Variants in LRP1B observed in about 807,000 individuals in gnomAD.
LRP1B encodes LDL receptor related protein 1B, also known as low-density lipoprotein receptor-related protein 1B.
A neutral mutation model predicts 556.6 loss-of-function variants in LRP1B; 217 were observed. That is an observed-to-expected ratio of 0.39 (90% confidence interval 0.35 to 0.44). The LOEUF is 0.44. Among genes scored for constraint, LRP1B ranks in the 20% least tolerant of loss-of-function variants. The pLI, the probability that LRP1B is intolerant of heterozygous loss-of-function variation, is 1.00. For synonymous variants in LRP1B, 2,047 were observed against 1,865.8 expected (o/e 1.10, Z -2.50); for missense variants, 5,053 against 5,620.8 (o/e 0.90, Z 3.23).
intron 1 of LRP1B, among the ~76,000 whole-genome samples, chr2:141,818,264 A>G (rs539944814): frequency 6.6e-6 from 1 of 152,256 alleles, no homozygotes; most frequent in South Asian, 2.1e-4. Flanking sequence ...TTTTGATAAA[A>G]CTCATGTAAT....
chr2:141,850,965 A>G (rs902538505), intron 1 of LRP1B, among the ~76,000 whole-genome samples: 2 of 151,728 alleles, frequency 1.3e-5, no homozygotes, highest in Non-Finnish European at 2.9e-5. Flanking sequence ...TGGGCTCTGT[A>G]AGAAGCTGAC....
chr2:141,243,768 T>C (rs1235605348), intron 5 of LRP1B, among the ~76,000 whole-genome samples: 1 of 152,178 alleles, frequency 6.6e-6, no homozygotes, highest in African/African-American at 2.4e-5. Flanking sequence ...CTTTATTTCA[T>C]TAGTCAGAGA....
intron 2 of LRP1B, among the ~76,000 whole-genome samples, chr2:141,568,972 T>G (rs1686435948): frequency 6.6e-6 from 1 of 150,622 alleles, no homozygotes. Flanking sequence ...TTCACCATGT[T>G]GGCCAGGCTG....
At chr2:141,704,495 A>G (rs1350997258) in intron 2 of LRP1B, among the ~76,000 whole-genome samples, 2 of 151,906 alleles carry the variant, frequency 1.3e-5, no homozygotes, top group East Asian at 1.9e-4. Flanking sequence ...TAAGATTTCA[A>G]CTTTCCTTAA....
chr2:141,656,532 T>A (rs893885731), intron 2 of LRP1B, among the ~76,000 whole-genome samples: 1 of 152,170 alleles, frequency 6.6e-6, no homozygotes, highest in Non-Finnish European at 1.5e-5. Flanking sequence ...ACATTTTTAT[T>A]TCTATACCTG....
chr2:141,790,101 T>A (rs1695562715), intron 2 of LRP1B, among the ~76,000 whole-genome samples: 1 of 151,916 alleles, frequency 6.6e-6, no homozygotes, highest in Non-Finnish European at 1.5e-5. Flanking sequence ...GTTAATGCCT[T>A]GGACACACAC....
chr2:141,866,999 C>A (rs1325481487), intron 1 of LRP1B, among the ~76,000 whole-genome samples: 1 of 152,096 alleles, frequency 6.6e-6, no homozygotes, highest in Non-Finnish European at 1.5e-5. Flanking sequence ...AAGTAGGTTT[C>A]TTTGGACCTT....
intron 2 of LRP1B, among the ~76,000 whole-genome samples, chr2:141,709,580 G>A (rs1355165573): frequency 6.6e-6 from 1 of 152,106 alleles, no homozygotes; most frequent in Non-Finnish European, 1.5e-5. Context: ...TTATTGAAAT[G>A]TATTGAGATA....
chr2:141,274,902 C>A (rs548068761), intron 3 of LRP1B, among the ~76,000 whole-genome samples: 5 of 152,190 alleles, frequency 3.3e-5, no homozygotes, highest in Admixed American at 2.0e-4. Flanking sequence ...AGAATAAAGA[C>A]GTTTTTGGAC....
At chr2:140,319,554 T>C (rs1679979724) in intron 82 of LRP1B, among the ~76,000 whole-genome samples, 1 of 152,136 alleles carries the variant, frequency 6.6e-6, no homozygotes, top group Admixed American at 6.6e-5. Context: ...TTCTCACTTA[T>C]TAGTGGGAGC....
chr2:141,021,403 C>T (rs1284658762), intron 11 of LRP1B, among the ~76,000 whole-genome samples: 1 of 151,918 alleles, frequency 6.6e-6, no homozygotes, highest in Non-Finnish European at 1.5e-5. Context: ...TTCCCAATTT[C>T]GCTGAGCTAT....
At chr2:140,285,814 G>T (rs148353847) in intron 84 of LRP1B, among the ~76,000 whole-genome samples, 1 of 144,854 alleles carries the variant, frequency 6.9e-6, no homozygotes, top group Admixed American at 7.2e-5. Flanking sequence ...CTCATAAATT[G>T]TTCTGCCCTT....
intron 72 of LRP1B, among the ~76,000 whole-genome samples, chr2:140,361,708 A>C (rs1449069851): frequency 6.6e-6 from 1 of 151,170 alleles, no homozygotes; most frequent in Admixed American, 6.6e-5. Context: ...GTTGTCACTC[A>C]ATATTCTTTG....
At chr2:141,020,159 T>TA in intron 11 of LRP1B, 57 bp from the exon 12 acceptor site, 9 of 1,136,748 alleles carry the variant, frequency 7.9e-6, no homozygotes, top group Non-Finnish European at 1.1e-5. Context: ...GTAAAATTAG[T>TA]GTTCACTACT....
At chr2:140,801,374 G>A (rs1690503696) in intron 32 of LRP1B, among the ~76,000 whole-genome samples, 1 of 152,114 alleles carries the variant, frequency 6.6e-6, no homozygotes, top group African/African-American at 2.4e-5. Context: ...GAACAACAAG[G>A]CAAAGAGAAA....
At chr2:141,973,566 T>C (rs1415413926) in intron 1 of LRP1B, among the ~76,000 whole-genome samples, 1 of 151,808 alleles carries the variant, frequency 6.6e-6, no homozygotes, top group Non-Finnish European at 1.5e-5. Context: ...TCAAGCATTG[T>C]GATAGGCACT....
chr2:140,739,217 A>G (rs1573645904), intron 35 of LRP1B, among the ~76,000 whole-genome samples: 1 of 152,212 alleles, frequency 6.6e-6, no homozygotes, highest in African/African-American at 2.4e-5. Flanking sequence ...CAGCCACCAT[A>G]TGGGTGAGGA....
intron 35 of LRP1B, among the ~76,000 whole-genome samples, chr2:140,752,173 G>A (rs1476557843): frequency 1.3e-5 from 2 of 151,874 alleles, no homozygotes; most frequent in Non-Finnish European, 2.9e-5. Context: ...AAATTAGCTC[G>A]GCGTGGTGGC....
chr2:141,890,357 G>C (rs1462526337), intron 1 of LRP1B, among the ~76,000 whole-genome samples: 6 of 69,144 alleles, frequency 8.7e-5, no homozygotes, highest in African/African-American at 3.2e-4. Flanking sequence ...TATATGTATT[G>C]TGCATATATA....
Sources: allele counts gnomAD v4.1 joint callset (sites outside exome capture counted in the v4.1 genomes callset), GRCh38; gene constraint gnomAD v4.1.1; transcripts MANE v1.5; gene names NCBI Gene and HGNC (gene_info 2026-07-23, HGNC 2026-07-21).